RGS7: variants seen among roughly 807,000 people sequenced by gnomAD.
RGS7 encodes regulator of G-protein signaling 7.
Under a neutral mutation model 81.1 loss-of-function variants are expected in RGS7, and 27 were observed. The ratio of observed to expected loss-of-function variants is 0.33; its 90% CI spans 0.25 to 0.46. The LOEUF (loss-of-function observed/expected upper bound fraction) is 0.46. Ranked by LOEUF, RGS7 falls within the 20% of genes least tolerant of loss-of-function variation. RGS7 has a pLI of 1.00. For synonymous variants in RGS7, 208 were observed against 207.7 expected (o/e 1.00, Z -0.01); for missense variants, 396 against 607.4 (o/e 0.65, Z 3.66).
intron 3 of RGS7, among the ~76,000 whole-genome samples, chr1:241,021,528 G>A (rs1176868103): frequency 2.0e-5 from 3 of 152,100 alleles, no homozygotes; most frequent in Non-Finnish European, 2.9e-5. Flanking sequence ...CTGGAAACAC[G>A]GATTCACAAG....
chr1:241,035,085 G>C (rs1373832785), intron 3 of RGS7, among the ~76,000 whole-genome samples: 1 of 152,114 alleles, frequency 6.6e-6, no homozygotes, highest in Admixed American at 6.6e-5. Context: ...AAGAGGGGCT[G>C]TAACTCTCAG....
intron 2 of RGS7, among the ~76,000 whole-genome samples, chr1:241,280,778 T>G (rs2078457661): frequency 6.6e-6 from 1 of 152,204 alleles, no homozygotes. Flanking sequence ...TGGGAGGGAT[T>G]ACAAGCATAA....
chr1:241,149,988 G>T (rs985840751), intron 2 of RGS7, among the ~76,000 whole-genome samples: 2 of 152,076 alleles, frequency 1.3e-5, no homozygotes, highest in African/African-American at 4.8e-5. Context: ...TGGCTAGGCT[G>T]GTCTTGAACT....
intron 2 of RGS7, among the ~76,000 whole-genome samples, chr1:241,237,406 T>C (rs2076038053): frequency 6.6e-6 from 1 of 152,132 alleles, no homozygotes; most frequent in South Asian, 2.1e-4. Context: ...CTGGACCATA[T>C]ACCATGAGCA....
intron 2 of RGS7, among the ~76,000 whole-genome samples, chr1:241,301,270 T>C (rs966592465): frequency 6.6e-6 from 1 of 152,210 alleles, no homozygotes; most frequent in Admixed American, 6.5e-5. Context: ...AAATGTAAAG[T>C]AATGCAATGA....
intron 4 of RGS7, among the ~76,000 whole-genome samples, chr1:240,963,648 C>T (rs1267090295): frequency 6.6e-6 from 1 of 152,116 alleles, no homozygotes; most frequent in African/African-American, 2.4e-5. Context: ...GTGGGGGATA[C>T]ACACCAGATT....
Position 241,193,605 on chromosome 1 carries a change from A to G in RGS7, c.79-94843T>C, listed in dbSNP as rs566083985. 9.2e-5 allele frequency among the ~76,000 whole-genome samples: 14 copies of G among 152,368 alleles called. No individual in the cohort carries two copies. In the South Asian group the frequency reaches 2.7e-3, roughly 29 times the overall value. Reference sequence around the variant, plus strand: ...TTAAATACATATAGACAAATGGTCTAGAGCAGTCTTCATCATGCTTCTCCG... The same window carrying G: ...TTAAATACATATAGACAAATGGTCTGGAGCAGTCTTCATCATGCTTCTCCG... On this transcript the variant is annotated intron_variant, in intron 2 of 18. Transcript: ENST00000440928.
At chr1:241,168,212 T>C (rs576674541) in intron 2 of RGS7, among the ~76,000 whole-genome samples, 1 of 152,218 alleles carries the variant, frequency 6.6e-6, no homozygotes. Context: ...GTATAGGCCA[T>C]GTGGAAAATG....
At chr1:240,993,285 GA>G (rs1686790283) in intron 3 of RGS7, among the ~76,000 whole-genome samples, 1 of 152,038 alleles carries the variant, frequency 6.6e-6, no homozygotes, top group South Asian at 2.1e-4. Context: ...GAAAGAGAGA[GA>G]GAGAGAAAGA....
intron 6 of RGS7, among the ~76,000 whole-genome samples, chr1:240,870,912 C>T (rs1006176267): frequency 1.3e-5 from 2 of 152,166 alleles, no homozygotes; most frequent in African/African-American, 2.4e-5. Context: ...ATCGTTTTGT[C>T]ACTAGGAGAA....
chr1:241,220,986 G>GAAGAAAGAAAGAAAGAGAGAGAGA (rs1238215258), intron 2 of RGS7, among the ~76,000 whole-genome samples: 2 of 61,816 alleles, frequency 3.2e-5, no homozygotes, highest in African/African-American at 1.3e-4. Flanking sequence ...AGGAAGGAAG[G>GAAGAAAGAAAGAAAGAGAGAGAGA]AAGGAAGGAA....
intron 9 of RGS7, among the ~76,000 whole-genome samples, chr1:240,827,585 G>A (rs962255264): frequency 1.3e-5 from 2 of 152,180 alleles, no homozygotes; most frequent in African/African-American, 4.8e-5. Context: ...AGGCTGGGCC[G>A]GGCGCAGTGA....
At chr1:240,821,944 C>T (rs1186799038) in intron 10 of RGS7, among the ~76,000 whole-genome samples, 1 of 152,182 alleles carries the variant, frequency 6.6e-6, no homozygotes. Context: ...TGACCTAGGA[C>T]CCCTCTAGCT....
At position 241,342,232 on chromosome 1, in the gene RGS7, T is replaced by C. The variant is rs1047333288; in HGVS notation, c.78+13467A>G. Among the ~76,000 whole-genome samples, 8 of 152,176 alleles carry C rather than the reference T, an allele frequency of 5.3e-5. No individual in the cohort carries two copies. In the East Asian group the frequency reaches 5.8e-4, roughly 11 times the overall value. On this transcript the variant is annotated intron_variant, in intron 2 of 18. Transcript: ENST00000440928. ...ATTAGTCAGCTAGAAATAACAGTCCTATGAGAAAGAGCGAATATCATAAAA... is the reference window on the plus strand; with the variant it reads ...ATTAGTCAGCTAGAAATAACAGTCCCATGAGAAAGAGCGAATATCATAAAA...
At chr1:241,313,988 T>C (rs965789688) in intron 2 of RGS7, among the ~76,000 whole-genome samples, 1 of 152,160 alleles carries the variant, frequency 6.6e-6, no homozygotes, top group Admixed American at 6.5e-5. Context: ...ATGAAAAAAC[T>C]TGAACAGATG....
chr1:241,022,860 A>T (rs1190425990), intron 3 of RGS7, among the ~76,000 whole-genome samples: 1 of 152,154 alleles, frequency 6.6e-6, no homozygotes, highest in East Asian at 1.9e-4. Context: ...ATATGATCAA[A>T]GTGAGGCTTA....
chr1:241,285,507 A>C (rs957203490), intron 2 of RGS7, among the ~76,000 whole-genome samples: 8 of 152,218 alleles, frequency 5.3e-5, no homozygotes, highest in African/African-American at 1.9e-4. Flanking sequence ...TCTGTCTTAG[A>C]TATTTTACAC....
chr1:241,288,544 TAC>T (rs1383010318), intron 2 of RGS7, among the ~76,000 whole-genome samples: 1 of 152,080 alleles, frequency 6.6e-6, no homozygotes, highest in Non-Finnish European at 1.5e-5. Flanking sequence ...GCTGTTACTA[TAC>T]AACATGGTGA....
intron 4 of RGS7, among the ~76,000 whole-genome samples, chr1:240,958,867 C>T (rs1303644127): frequency 2.0e-5 from 3 of 152,190 alleles, no homozygotes; most frequent in African/African-American, 7.2e-5. Flanking sequence ...CTCCAATGAG[C>T]CCTAAATGCC....
Sources: gnomAD v4.1 joint callset for allele counts (sites outside exome capture counted in the v4.1 genomes callset) on GRCh38, gnomAD v4.1.1 for gene constraint, MANE v1.5 for transcripts, NCBI Gene and HGNC (gene_info 2026-07-23, HGNC 2026-07-21) for gene names.